Variants in TANC1 observed in about 807,000 individuals in gnomAD.
The protein encoded by TANC1 is tetratricopeptide repeat, ankyrin repeat and coiled-coil containing 1, also known as protein TANC1.
In TANC1, 77 loss-of-function variants were observed where a neutral mutation model predicts 149.7. That is an observed-to-expected ratio of 0.51 (90% CI 0.43 to 0.62). The LOEUF (loss-of-function observed/expected upper bound fraction) is 0.62, where lower values mean the gene tolerates loss of function less well. Among genes scored for constraint, TANC1 ranks in the 20% least tolerant of loss-of-function variants. TANC1 has a pLI of 0.00. For synonymous variants in TANC1, 854 were observed against 925.0 expected (o/e 0.92, Z 1.39); for missense variants, 1,985 against 2,321.8 (o/e 0.85, Z 2.98).
At chr2:159,206,054 G>T (rs2058582920) in intron 19 of TANC1, among the ~76,000 whole-genome samples, 1 of 151,162 alleles carries the variant, frequency 6.6e-6, no homozygotes, top group African/African-American at 2.4e-5. Flanking sequence ...AGTAAGATTA[G>T]TGGGCATGGA....
chr2:159,106,304 C>T lies in TANC1; in HGVS notation c.259+8470C>T, dbSNP rs74554102. On this transcript the variant is annotated intron_variant, in intron 4 of 26. Transcript: ENST00000263635. Reference sequence around the variant, plus strand: ...ACCCGTTACTAGTCATTTCACATTCCGCCCTGCCCTTACTCTTCACTCCCT... The same window carrying T: ...ACCCGTTACTAGTCATTTCACATTCTGCCCTGCCCTTACTCTTCACTCCCT... Among the ~76,000 whole-genome samples, 1,071 of 152,264 alleles carry T rather than the reference C, an allele frequency of 7.0e-3. 8 individuals are homozygous for T. The highest frequency in any genetic ancestry group is 0.024 in the African/African-American group (1,007 of 41,546).
chr2:159,175,787 A>G (rs992542800), intron 12 of TANC1, among the ~76,000 whole-genome samples: 4 of 152,192 alleles, frequency 2.6e-5, no homozygotes, highest in African/African-American at 9.6e-5. Context: ...ATATGTCATC[A>G]TTTCTTCTCT....
intron 3 of TANC1, among the ~76,000 whole-genome samples, chr2:159,086,291 C>T (rs1439681753): frequency 6.6e-6 from 1 of 151,836 alleles, no homozygotes; most frequent in African/African-American, 2.4e-5. Context: ...CAGTGAGGCT[C>T]CTTTTAAGTG....
chr2:159,111,835 AGTTT>A, intron 4 of TANC1, among the ~76,000 whole-genome samples: 1 of 152,200 alleles, frequency 6.6e-6, no homozygotes, highest in African/African-American at 2.4e-5. Context: ...GGCTGTTTGA[AGTTT>A]GTTTGATGTT....
intron 2 of TANC1, among the ~76,000 whole-genome samples, chr2:159,007,500 A>G (rs958691248): frequency 4.0e-4 from 61 of 152,018 alleles, no homozygotes; most frequent in Non-Finnish European, 1.3e-4. Context: ...AGTACTTACT[A>G]TTGTTTTACA....
rs1205601993 is a variant in TANC1 at position 159,103,813 on chromosome 2, C to T, written c.259+5979C>T. ...TATTGGTAGACCCTGATCCTCCATG[C>T]TGTCCCCAGCGTCTTCTCTTATGTC... is the stretch of plus-strand genomic sequence containing the variant. On this transcript the variant is annotated intron_variant, in intron 4 of 26. Coordinates refer to ENST00000263635, the MANE Select transcript of TANC1 (RefSeq NM_033394.3). Among the ~76,000 whole-genome samples, 8 of 97,018 alleles carry T rather than the reference C, an allele frequency of 8.2e-5. 3 individuals are homozygous for T. The highest frequency in any genetic ancestry group is 2.3e-4 in the Non-Finnish European group (8 of 34,630). The allele number at this position is 97,018 out of a possible 152,430, so 63.6% of individuals were successfully genotyped here. A position where few individuals can be genotyped will look rare whatever the true frequency, so the allele number is the denominator to read the frequency against.
chr2:159,122,169 C>G (rs1295360857), intron 4 of TANC1, among the ~76,000 whole-genome samples: 1 of 152,204 alleles, frequency 6.6e-6, no homozygotes, highest in Non-Finnish European at 1.5e-5. Flanking sequence ...AACTCCTGGG[C>G]TCAAGCCATC....
intron 2 of TANC1, among the ~76,000 whole-genome samples, chr2:159,041,068 G>T (rs781310198): frequency 6.6e-6 from 1 of 152,186 alleles, no homozygotes. Flanking sequence ...TACAGACCCT[G>T]TTTGCCTGGG....
chr2:159,091,879 A>G (rs1469309568), intron 3 of TANC1, among the ~76,000 whole-genome samples: 1 of 151,506 alleles, frequency 6.6e-6, no homozygotes, highest in Non-Finnish European at 1.5e-5. Context: ...AATGGCTTCA[A>G]GTGCTTTTAG....
intron 2 of TANC1, chr2:159,060,028 C>G: frequency 2.0e-6 from 1 of 496,240 alleles, no homozygotes; most frequent in Non-Finnish European, 2.6e-6. Context: ...CTGCTTCAGA[C>G]TCCCTGCTAC....
intron 1 of TANC1, among the ~76,000 whole-genome samples, chr2:158,975,615 G>A (rs985027741): frequency 1.3e-5 from 2 of 151,044 alleles, no homozygotes; most frequent in Non-Finnish European, 2.9e-5. Flanking sequence ...GGAGGCGGGC[G>A]GGTAGAGACA....
intron 11 of TANC1, 25 bp downstream of exon 11, chr2:159,172,297 C>A (rs1441404644): frequency 1.9e-6 from 3 of 1,607,182 alleles, no homozygotes; most frequent in Admixed American, 1.7e-5. Flanking sequence ...TTTATTGGAG[C>A]CTTCCACATA....
chr2:159,025,971 A>T lies in TANC1; in HGVS notation c.-16+24782A>T, dbSNP rs112052782. Among the ~76,000 whole-genome samples the T allele has an allele frequency of 1.3e-5, 2 of 152,144 alleles. 1 individual carries two copies. The highest frequency in any genetic ancestry group is 3.8e-4 in the East Asian group (2 of 5,200). ...TTTTGTAGAGACAGGGTCTCACTCT[A>T]TCGCCCAGGCTGGAGTGCAGTGGCA... On this transcript the variant is annotated intron_variant, in intron 2 of 26. Transcript: ENST00000263635.
intron 4 of TANC1, 29 bp downstream of exon 4, chr2:159,097,863 G>C: frequency 1.3e-6 from 2 of 1,595,594 alleles, no homozygotes; most frequent in Non-Finnish European, 1.7e-6. Context: ...AGCTGCCTTG[G>C]TTATATATGT....
At chr2:159,184,640 G>A (rs923027346) in intron 14 of TANC1, among the ~76,000 whole-genome samples, 1 of 152,162 alleles carries the variant, frequency 6.6e-6, no homozygotes, top group African/African-American at 2.4e-5. Context: ...GTAGGACCTG[G>A]GGAGGCCTTG....
intron 19 of TANC1, 149 bp from the exon 20 acceptor site, chr2:159,217,348 G>A: frequency 1.0e-6 from 1 of 987,622 alleles, no homozygotes; most frequent in Non-Finnish European, 1.5e-6. Context: ...TGTTCTGTTG[G>A]TCAAAGCTGT....
At chr2:159,022,520 C>T (rs561342559) in intron 2 of TANC1, among the ~76,000 whole-genome samples, 3 of 152,078 alleles carry the variant, frequency 2.0e-5, no homozygotes, top group East Asian at 1.9e-4. Flanking sequence ...CTGAGGTGGG[C>T]GATTGCTTCA....
intron 14 of TANC1, among the ~76,000 whole-genome samples, chr2:159,184,564 T>G (rs984677747): frequency 2.6e-5 from 4 of 152,180 alleles, no homozygotes; most frequent in Non-Finnish European, 5.9e-5. Context: ...ACTTAGCCTG[T>G]GGTTGGGAGA....
chr2:159,219,799 A>G lies in TANC1; in HGVS notation c.3610A>G (p.Ile1204Val), dbSNP rs562685455. 6.9e-5 allele frequency: 111 copies of G among 1,614,116 alleles called. No homozygotes were observed. Among genetic ancestry groups the G allele is most frequent in the African/African-American group, 3.3e-4 (25 of 75,052 alleles). ...GTATCTGGTTGAAGAAGGAGCTGCA[A>G]TAGACCAGACAGACAAGAATGGCCG... The part of the protein sequence containing the change: ...VQYLVEEGAA[I>V]DQTDKNGRTP... Residue 1204 changes from isoleucine to valine, a missense_variant, in exon 22 of 27, where the codon ATA (isoleucine) becomes GTA (valine). Around this residue, in one of 3 missense-constraint regions of TANC1, gnomAD observed 920 missense variants for 994.7 expected, o/e 0.92. Transcript: ENST00000263635.
Sources: allele counts gnomAD v4.1 joint callset (sites outside exome capture counted in the v4.1 genomes callset), GRCh38; gene constraint gnomAD v4.1.1; regional missense constraint gnomAD v4.1.1; transcripts MANE v1.5; gene names NCBI Gene and HGNC (gene_info 2026-07-23, HGNC 2026-07-21).